SLC4A10: variants seen among roughly 807,000 people sequenced by gnomAD.
SLC4A10 encodes the protein solute carrier family 4 member 10.
A neutral mutation model predicts 137.7 loss-of-function variants in SLC4A10; 42 were observed. The ratio of observed to expected loss-of-function variants is 0.30; its 90% confidence interval spans 0.24 to 0.39. The LOEUF (loss-of-function observed/expected upper bound fraction) is 0.39, where lower values mean the gene tolerates loss of function less well. Ranked by LOEUF, SLC4A10 falls within the 10% of genes least tolerant of loss-of-function variation. The pLI is 1.00. For synonymous variants in SLC4A10, 474 were observed against 464.1 expected (o/e 1.02, Z -0.27); for missense variants, 925 against 1,355.0 (o/e 0.68, Z 4.98).
intron 2 of SLC4A10, among the ~76,000 whole-genome samples, chr2:161,790,041 C>T (rs1362484999): frequency 2.0e-5 from 3 of 152,114 alleles, no homozygotes; most frequent in South Asian, 4.1e-4. Context: ...AAATAGGTCA[C>T]CTGACTAGTA....
At chr2:161,960,083 G>A (rs1320775101) in intron 21 of SLC4A10, among the ~76,000 whole-genome samples, 1 of 151,962 alleles carries the variant, frequency 6.6e-6, no homozygotes, top group Non-Finnish European at 1.5e-5. Context: ...GAGAAGAGGG[G>A]TTGAGTGTGG....
chr2:161,888,782 C>A (rs2126008325), intron 10 of SLC4A10, among the ~76,000 whole-genome samples: 1 of 152,274 alleles, frequency 6.6e-6, no homozygotes, highest in East Asian at 1.9e-4. Flanking sequence ...TTATTTCCTT[C>A]TCTTCCCTGG....
intron 15 of SLC4A10, among the ~76,000 whole-genome samples, chr2:161,908,185 G>C (rs966939073): frequency 6.6e-5 from 10 of 151,962 alleles, no homozygotes; most frequent in South Asian, 4.2e-4. Flanking sequence ...GGAAACTATG[G>C]ATAATGTCAG....
chr2:161,971,168 T>G (rs1239536796), intron 23 of SLC4A10, among the ~76,000 whole-genome samples: 6 of 152,260 alleles, frequency 3.9e-5, no homozygotes, highest in Non-Finnish European at 7.3e-5. Flanking sequence ...GCCCCTGGAT[T>G]ATTCTTCTTG....
chr2:161,691,530 T>C (rs992897855), intron 1 of SLC4A10, among the ~76,000 whole-genome samples: 2 of 152,176 alleles, frequency 1.3e-5, no homozygotes, highest in African/African-American at 4.8e-5. Flanking sequence ...TTTTCTATAA[T>C]GTTATTATGT....
intron 6 of SLC4A10, among the ~76,000 whole-genome samples, chr2:161,870,710 C>T (rs2061064955): frequency 6.6e-6 from 1 of 151,730 alleles, no homozygotes; most frequent in Non-Finnish European, 1.5e-5. Context: ...AGTTCACAGT[C>T]ATAGCTGCAC....
intron 15 of SLC4A10, among the ~76,000 whole-genome samples, chr2:161,909,638 C>A (rs915421010): frequency 6.6e-6 from 1 of 152,226 alleles, no homozygotes; most frequent in Admixed American, 6.5e-5. Flanking sequence ...GTGCCACTTA[C>A]ACTGTGTACA....
At chr2:161,662,154 A>G (rs531849497) in intron 1 of SLC4A10, among the ~76,000 whole-genome samples, 19 of 152,142 alleles carry the variant, frequency 1.2e-4, no homozygotes, top group Non-Finnish European at 1.6e-4. Context: ...GAGATCGTCT[A>G]GGCTCTTTCC....
chr2:161,977,388 C>T (rs1699550906), intron 25 of SLC4A10: 1 of 468,516 alleles, frequency 2.1e-6, no homozygotes, highest in African/African-American at 2.0e-5. Flanking sequence ...TCCATTCTTT[C>T]TTCTCTGTGT....
At chr2:161,629,049 G>C (rs750022813) in intron 1 of SLC4A10, among the ~76,000 whole-genome samples, 1 of 151,902 alleles carries the variant, frequency 6.6e-6, no homozygotes, top group South Asian at 2.1e-4. Context: ...GGCATGAATA[G>C]ATTGCAGTGT....
chr2:161,825,670 G>A (rs2057971329), intron 3 of SLC4A10, among the ~76,000 whole-genome samples: 1 of 152,126 alleles, frequency 6.6e-6, no homozygotes, highest in Admixed American at 6.5e-5. Context: ...GAGTGCTCTG[G>A]TAAATACTGA....
At chr2:161,868,762 C>A (rs190076198) in intron 6 of SLC4A10, among the ~76,000 whole-genome samples, 1 of 151,476 alleles carries the variant, frequency 6.6e-6, no homozygotes, top group Non-Finnish European at 1.5e-5. Context: ...TTTCCATTTA[C>A]GTTTAAATAG....
chr2:161,977,691 C>A, intron 25 of SLC4A10, 31 bp from the exon 26 acceptor site: 1 of 1,576,454 alleles, frequency 6.3e-7, no homozygotes, highest in Admixed American at 1.9e-5. Context: ...ACTTTTTCTA[C>A]TTAATTTTTA....
At chr2:161,655,340 A>C (rs2037363309) in intron 1 of SLC4A10, among the ~76,000 whole-genome samples, 1 of 152,094 alleles carries the variant, frequency 6.6e-6, no homozygotes, top group African/African-American at 2.4e-5. Flanking sequence ...TTTTGATTTG[A>C]ATGTCTTTAT....
intron 1 of SLC4A10, chr2:161,709,693 T>C (rs1379897408): frequency 2.0e-5 from 3 of 151,644 alleles, no homozygotes; most frequent in African/African-American, 7.2e-5. Flanking sequence ...ACTGAAACTC[T>C]GCCATTTATT....
chr2:161,873,550 A>AAAG (rs1473895429), intron 7 of SLC4A10, among the ~76,000 whole-genome samples: 2 of 151,148 alleles, frequency 1.3e-5, no homozygotes, highest in Non-Finnish European at 2.9e-5. Flanking sequence ...AAAAAAAAAA[A>AAAG]AAAAAAGACA....
chr2:161,847,053 A>G (rs1370959550), intron 4 of SLC4A10, among the ~76,000 whole-genome samples: 2 of 150,868 alleles, frequency 1.3e-5, no homozygotes, highest in Non-Finnish European at 1.5e-5. Flanking sequence ...CCTGGGTAAC[A>G]TAGTGAGACC....
At chr2:161,754,575 A>G (rs2049376670) in intron 1 of SLC4A10, among the ~76,000 whole-genome samples, 1 of 152,202 alleles carries the variant, frequency 6.6e-6, no homozygotes, top group African/African-American at 2.4e-5. Context: ...GGCTAATTGC[A>G]TCTGGCTGCT....
chr2:161,848,889 T>C (rs1360484472), intron 4 of SLC4A10, among the ~76,000 whole-genome samples: 1 of 152,214 alleles, frequency 6.6e-6, no homozygotes, highest in Non-Finnish European at 1.5e-5. Context: ...CATATGAATT[T>C]TAGAATTTTT....
Sources: allele counts gnomAD v4.1 joint callset (sites outside exome capture counted in the v4.1 genomes callset), GRCh38; gene constraint gnomAD v4.1.1; transcripts MANE v1.5; gene names NCBI Gene and HGNC (gene_info 2026-07-23, HGNC 2026-07-21).